Variants in FAM107B observed in about 807,000 individuals in gnomAD.
FAM107B encodes the protein family with sequence similarity 107 member B.
FAM107B carries 21 observed loss-of-function variants against 31.5 expected under a neutral mutation model. The observed-to-expected ratio is 0.67, with a 90% confidence interval of 0.47 to 0.96. The LOEUF is 0.96. Among genes scored for constraint, FAM107B ranks in the 40% least tolerant of loss-of-function variants. FAM107B has a pLI of 0.00. For missense variants in FAM107B, 452 were observed against 377.1 expected (o/e 1.20, Z -1.64); for synonymous variants, 157 against 141.5 (o/e 1.11, Z -0.78).
rs1228741219 is a variant in FAM107B, at chr10:14,774,313, G to T, written c.351C>A (p.Asp117Glu). ...DVPGSLDDGA[D>E]CEAVVFHASI... ...AAGCGTGAAACACCACTGCTTCACA[G>T]TCCGCCCCATCATCCAGGGACCCGG... The change falls in exon 1 of 5, where the codon GAC (aspartate) becomes GAA (glutamate). Residue 117 changes from aspartate (D) to glutamate (E), a missense_variant. Physicochemically the swap from Asp to Glu is conservative, Grantham distance 45. Transcript: ENST00000181796. The T allele has an allele frequency of 6.2e-7, 1 of 1,614,236 alleles. No individual in the cohort carries two copies. Among genetic ancestry groups the T allele is most frequent in the Non-Finnish European group, 8.5e-7 (1 of 1,180,038 alleles).
At chr10:14,663,105 C>T (rs939052761) in intron 2 of FAM107B, among the ~76,000 whole-genome samples, 2 of 152,224 alleles carry the variant, frequency 1.3e-5, no homozygotes, top group African/African-American at 4.8e-5. Flanking sequence ...GGACTCTTGG[C>T]CTTACACCAG....
intron 2 of FAM107B, among the ~76,000 whole-genome samples, chr10:14,537,973 G>A (rs916269250): frequency 3.3e-5 from 5 of 152,146 alleles, no homozygotes; most frequent in Admixed American, 6.5e-5. Context: ...TGTCACTGCT[G>A]CCCAAGGTTA....
chr10:14,756,605 T>C (rs1323783643), intron 1 of FAM107B, among the ~76,000 whole-genome samples: 6 of 152,184 alleles, frequency 3.9e-5, no homozygotes, highest in Non-Finnish European at 7.3e-5. Context: ...GACAGTGTGG[T>C]GATTCTTCAA....
intron 1 of FAM107B, among the ~76,000 whole-genome samples, chr10:14,754,588 G>C (rs1832892538): frequency 6.6e-6 from 1 of 152,158 alleles, no homozygotes; most frequent in African/African-American, 2.4e-5. Flanking sequence ...AGCAAGAGGG[G>C]AGTCAGCTTC....
At chr10:14,565,804 C>G (rs553090643) in intron 2 of FAM107B, among the ~76,000 whole-genome samples, 1 of 152,006 alleles carries the variant, frequency 6.6e-6, no homozygotes, top group African/African-American at 2.4e-5. Flanking sequence ...GATAATCGAG[C>G]GAGAGAAGGA....
At chr10:14,689,630 C>T (rs1855078859) in intron 1 of FAM107B, among the ~76,000 whole-genome samples, 2 of 152,002 alleles carry the variant, frequency 1.3e-5, no homozygotes, top group Admixed American at 1.3e-4. Flanking sequence ...AGGAACAAAG[C>T]CTCTGACAAT....
At chr10:14,549,779 TC>T (rs762036108) in intron 2 of FAM107B, among the ~76,000 whole-genome samples, 7 of 152,050 alleles carry the variant, frequency 4.6e-5, no homozygotes, top group Admixed American at 1.3e-4. Context: ...CGAAGTGATC[TC>T]CCCACAGGAC....
chr10:14,558,505 G>A (rs1588581445), intron 2 of FAM107B, among the ~76,000 whole-genome samples: 1 of 152,192 alleles, frequency 6.6e-6, no homozygotes. Flanking sequence ...CCAAAAGAAT[G>A]ACCAAAATTG....
At chr10:14,594,755 G>A (rs557238517) in intron 2 of FAM107B, among the ~76,000 whole-genome samples, 2 of 152,242 alleles carry the variant, frequency 1.3e-5, no homozygotes, top group African/African-American at 4.8e-5. Flanking sequence ...GCATTGGTTG[G>A]TGCCTCTACA....
chr10:14,625,682 T>A (rs971948295), intron 2 of FAM107B, among the ~76,000 whole-genome samples: 1 of 152,040 alleles, frequency 6.6e-6, no homozygotes, highest in Non-Finnish European at 1.5e-5. Context: ...CAAATCAAAT[T>A]TCTTGGTCAT....
intron 2 of FAM107B, among the ~76,000 whole-genome samples, chr10:14,657,054 A>G (rs981781475): frequency 1.3e-5 from 2 of 152,280 alleles, no homozygotes; most frequent in Non-Finnish European, 2.9e-5. Flanking sequence ...TTTAAGGCAC[A>G]TGTGCCCAGT....
At chr10:14,540,528 C>T (rs1848081444) in intron 2 of FAM107B, among the ~76,000 whole-genome samples, 1 of 152,174 alleles carries the variant, frequency 6.6e-6, no homozygotes, top group South Asian at 2.1e-4. Flanking sequence ...GCCCCTGGAC[C>T]ACCCTCCCTC....
intron 1 of FAM107B, among the ~76,000 whole-genome samples, chr10:14,743,885 T>C (rs1832673653): frequency 6.6e-6 from 1 of 152,250 alleles, no homozygotes; most frequent in Admixed American, 6.5e-5. Context: ...TCTAATTCTG[T>C]GAAGAATGTC....
chr10:14,628,745 T>C (rs2131413559), intron 2 of FAM107B, among the ~76,000 whole-genome samples: 1 of 152,288 alleles, frequency 6.6e-6, no homozygotes, highest in East Asian at 1.9e-4. Context: ...TATAAAATAA[T>C]TTGAGAACTG....
At chr10:14,627,860 G>C (rs551792538) in intron 2 of FAM107B, among the ~76,000 whole-genome samples, 15 of 152,192 alleles carry the variant, frequency 9.9e-5, no homozygotes, top group Admixed American at 2.0e-4. Context: ...AGGGAGATCA[G>C]AATTAGGGTT....
intron 2 of FAM107B, among the ~76,000 whole-genome samples, chr10:14,620,624 T>C (rs1453342057): frequency 6.6e-6 from 1 of 152,190 alleles, no homozygotes; most frequent in Non-Finnish European, 1.5e-5. Flanking sequence ...ATTGGTTTGC[T>C]GCACCCATCA....
chr10:14,617,667 G>A (rs1281719110), intron 2 of FAM107B, among the ~76,000 whole-genome samples: 4 of 151,570 alleles, frequency 2.6e-5, no homozygotes, highest in African/African-American at 9.7e-5. Context: ...TGTCCTGGTA[G>A]GGAAGAAAGG....
At chr10:14,535,845 A>G (rs1204273907) in intron 2 of FAM107B, among the ~76,000 whole-genome samples, 1 of 152,262 alleles carries the variant, frequency 6.6e-6, no homozygotes, top group Non-Finnish European at 1.5e-5. Flanking sequence ...AACACACGGA[A>G]GTCATTATTT....
At chr10:14,746,350 G>C (rs962869645) in intron 1 of FAM107B, among the ~76,000 whole-genome samples, 3 of 152,142 alleles carry the variant, frequency 2.0e-5, no homozygotes, top group African/African-American at 7.2e-5. Context: ...ATGCTAGCTG[G>C]TTATTTTGCA....
Sources: gnomAD v4.1 joint callset for allele counts (sites outside exome capture counted in the v4.1 genomes callset) on GRCh38, gnomAD v4.1.1 for gene constraint, MANE v1.5 for transcripts, NCBI Gene and HGNC (gene_info 2026-07-23, HGNC 2026-07-21) for gene names.